Variants in CALN1 observed in about 807,000 individuals in gnomAD.
The protein encoded by CALN1 is calneuron 1.
CALN1 carries 17 observed loss-of-function variants against 30.6 expected under a neutral mutation model. That is an observed-to-expected ratio of 0.56 (90% CI 0.38 to 0.83). The LOEUF (loss-of-function observed/expected upper bound fraction) is 0.83. Among genes scored for constraint, CALN1 ranks in the 40% least tolerant of loss-of-function variants. CALN1 has a pLI of 0.00. For missense variants in CALN1, 291 were observed against 354.9 expected, an observed-to-expected ratio of 0.82 and a Z score of 1.45; for synonymous variants, 156 against 131.4, an observed-to-expected ratio of 1.19 and a Z score of -1.28.
intron 1 of CALN1, 109 bp from the exon 2 acceptor site, chr7:72,403,551 C>G (rs1316279720): frequency 2.0e-6 from 1 of 495,548 alleles, no homozygotes; most frequent in Non-Finnish European, 3.6e-6. Flanking sequence ...TTACACAGGA[C>G]AATGGTAGAA....
intron 5 of CALN1, among the ~76,000 whole-genome samples, chr7:71,859,990 C>G (rs1235142499): frequency 6.6e-6 from 1 of 152,102 alleles, no homozygotes; most frequent in Non-Finnish European, 1.5e-5. Context: ...AGGAACATTC[C>G]TAGTCTTGCT....
At chr7:72,138,430 T>C (rs763602081) in intron 3 of CALN1, among the ~76,000 whole-genome samples, 1 of 152,222 alleles carries the variant, frequency 6.6e-6, no homozygotes, top group Non-Finnish European at 1.5e-5. Flanking sequence ...CCCGACGCCA[T>C]CTGAAGCCTC....
At chr7:71,873,851 A>G (rs1301552564) in intron 5 of CALN1, among the ~76,000 whole-genome samples, 6 of 152,258 alleles carry the variant, frequency 3.9e-5, no homozygotes, top group Admixed American at 2.6e-4. Context: ...TCATAAACTT[A>G]TAACAACTAT....
chr7:71,897,991 A>AAAAAC (rs1793628786), intron 5 of CALN1, among the ~76,000 whole-genome samples: 1 of 110,568 alleles, frequency 9.0e-6, no homozygotes, highest in East Asian at 3.7e-4. Flanking sequence ...AAAAAAAAAA[A>AAAAAC]AGAGAGAGAG....
chr7:72,047,760 G>A (rs903846416), intron 4 of CALN1, among the ~76,000 whole-genome samples: 4 of 152,126 alleles, frequency 2.6e-5, no homozygotes, highest in Non-Finnish European at 4.4e-5. Context: ...GGCAGCCATC[G>A]TGCTCGGCCT....
At chr7:72,267,645 C>G (rs964744712) in intron 3 of CALN1, among the ~76,000 whole-genome samples, 6 of 152,212 alleles carry the variant, frequency 3.9e-5, no homozygotes, top group African/African-American at 1.4e-4. Flanking sequence ...CCAGCAGATG[C>G]TGGTTATGTA....
intron 3 of CALN1, among the ~76,000 whole-genome samples, chr7:72,184,406 A>G (rs571355935): frequency 3.9e-5 from 6 of 152,286 alleles, no homozygotes; most frequent in African/African-American, 1.4e-4. Context: ...TCTATGTGTG[A>G]TACACGAATT....
chr7:72,083,963 C>T (rs777880770), intron 4 of CALN1, among the ~76,000 whole-genome samples: 59 of 152,142 alleles, frequency 3.9e-4, no homozygotes, highest in Non-Finnish European at 1.0e-4. Context: ...AATCCCAGTA[C>T]TTTGAGAGAC....
intron 2 of CALN1, among the ~76,000 whole-genome samples, chr7:72,384,901 T>C (rs1378116818): frequency 2.6e-5 from 4 of 152,054 alleles, no homozygotes; most frequent in Admixed American, 2.0e-4. Flanking sequence ...TGAGAACGCA[T>C]ATCTGATAAA....
intron 1 of CALN1, among the ~76,000 whole-genome samples, chr7:72,423,925 A>G (rs1306541844): frequency 2.1e-5 from 3 of 140,064 alleles, no homozygotes; most frequent in Non-Finnish European, 3.1e-5. Flanking sequence ...CAGAAAGAGA[A>G]AAAGAAAGAA....
the CALN1 span, among the ~76,000 whole-genome samples, chr7:72,472,464 T>C: frequency 6.6e-6 from 1 of 152,154 alleles, no homozygotes; most frequent in African/African-American, 2.4e-5. Context: ...GTGGAGCTTT[T>C]GCTGTGTTTC....
intron 3 of CALN1, among the ~76,000 whole-genome samples, chr7:72,119,072 G>C (rs1259568188): frequency 1.3e-5 from 2 of 152,196 alleles, no homozygotes; most frequent in African/African-American, 4.8e-5. Flanking sequence ...AACTTTCTGT[G>C]TGGTGAGATT....
intron 4 of CALN1, among the ~76,000 whole-genome samples, chr7:72,043,466 C>T (rs1584811023): frequency 6.6e-6 from 1 of 152,104 alleles, no homozygotes; most frequent in South Asian, 2.1e-4. Context: ...ATCAGTTAAC[C>T]ATAGCAGAGT....
Position 72,023,277 on chromosome 7 carries a change from G to A in CALN1, c.501+380C>T, listed in dbSNP as rs183840108. Among the ~76,000 whole-genome samples, 350 of 152,216 alleles carry A rather than the reference G, an allele frequency of 2.3e-3. 2 individuals carry two copies. Among genetic ancestry groups the A allele is most frequent in the Non-Finnish European group, 4.1e-3 (278 of 68,016 alleles). ...TCTCATTAAGTGCAAGGATATTGAC[G>A]GGATCCAAATGTACCAGGCAACCAT... is the stretch of plus-strand genomic sequence containing the variant. On this transcript the variant is annotated intron_variant, in intron 5 of 6. Coordinates refer to ENST00000395275, the MANE Select transcript of CALN1 (RefSeq NM_031468.4).
chr7:72,418,963 C>T (rs1807518467), intron 1 of CALN1, among the ~76,000 whole-genome samples: 1 of 152,140 alleles, frequency 6.6e-6, no homozygotes, highest in Admixed American at 6.5e-5. Context: ...CTACAGTGAA[C>T]TATGATCATG....
chr7:72,223,314 C>T (rs1793438612), intron 3 of CALN1, among the ~76,000 whole-genome samples: 1 of 152,072 alleles, frequency 6.6e-6, no homozygotes, highest in Non-Finnish European at 1.5e-5. Flanking sequence ...GAATGACTTC[C>T]AAGTCACTGG....
intron 1 of CALN1, among the ~76,000 whole-genome samples, chr7:72,440,258 C>A (rs369958142): frequency 5.1e-4 from 78 of 152,248 alleles, no homozygotes; most frequent in Admixed American, 2.4e-3. Flanking sequence ...CCCAGAATAC[C>A]CAAAACCCAA....
chr7:72,397,899 G>A (rs1434517150), intron 2 of CALN1, among the ~76,000 whole-genome samples: 1 of 152,058 alleles, frequency 6.6e-6, no homozygotes, highest in East Asian at 1.9e-4. Flanking sequence ...GCTTGATGAA[G>A]GTACCCACTG....
intron 2 of CALN1, among the ~76,000 whole-genome samples, chr7:72,367,614 G>A (rs1056887876): frequency 2.0e-5 from 3 of 148,352 alleles, no homozygotes; most frequent in African/African-American, 4.9e-5. Flanking sequence ...GGCAGAGCAA[G>A]ACCCTGTCTC....
Sources: gnomAD v4.1 joint callset for allele counts (sites outside exome capture counted in the v4.1 genomes callset) on GRCh38, gnomAD v4.1.1 for gene constraint, MANE v1.5 for transcripts, NCBI Gene and HGNC (gene_info 2026-07-23, HGNC 2026-07-21) for gene names.